The following SUSD4 variants were observed in gnomAD, a reference collection of about 807,000 sequenced individuals.
SUSD4 encodes the protein sushi domain containing 4.
SUSD4 carries 41 observed loss-of-function variants against 50.5 expected under a neutral mutation model. The ratio of observed to expected loss-of-function variants is 0.81; its 90% CI spans 0.63 to 1.05. The LOEUF (loss-of-function observed/expected upper bound fraction) is 1.05, where lower values mean the gene tolerates loss of function less well. Among genes scored for constraint, SUSD4 ranks in the 50% least tolerant of loss-of-function variants. The pLI, the probability that SUSD4 is intolerant of heterozygous loss-of-function variation, is 0.00. For synonymous variants in SUSD4, 257 were observed against 257.3 expected (o/e 1.00, Z 0.01); for missense variants, 580 against 634.7 (o/e 0.91, Z 0.93).
intron 5 of SUSD4, among the ~76,000 whole-genome samples, chr1:223,261,611 T>C (rs779701309): frequency 1.3e-5 from 2 of 152,234 alleles, no homozygotes; most frequent in Non-Finnish European, 2.9e-5. Flanking sequence ...CTGTTCTTAT[T>C]GTTCAGTATG....
intron 2 of SUSD4, among the ~76,000 whole-genome samples, chr1:223,354,665 G>C (rs1668558454): frequency 6.6e-6 from 1 of 152,126 alleles, no homozygotes; most frequent in Non-Finnish European, 1.5e-5. Context: ...ATGCATCCTT[G>C]GGTTAGATTC....
intron 3 of SUSD4, among the ~76,000 whole-genome samples, chr1:223,283,438 C>G (rs1272585467): frequency 2.6e-5 from 4 of 152,144 alleles, no homozygotes; most frequent in Non-Finnish European, 5.9e-5. Context: ...ACAGATACTT[C>G]TCAAAAGAAG....
At chr1:223,297,530 C>T (rs559450082) in intron 2 of SUSD4, among the ~76,000 whole-genome samples, 1 of 152,270 alleles carries the variant, frequency 6.6e-6, no homozygotes, top group South Asian at 2.1e-4. Flanking sequence ...CCTACTGAAG[C>T]AGGAAGGGAA....
intron 2 of SUSD4, among the ~76,000 whole-genome samples, chr1:223,328,817 T>C (rs1005386970): frequency 5.3e-5 from 8 of 152,292 alleles, no homozygotes; most frequent in East Asian, 3.9e-4. Flanking sequence ...TCAGGGTTTC[T>C]GCCACTCAGG....
intron 2 of SUSD4, among the ~76,000 whole-genome samples, chr1:223,323,453 AAG>A (rs139703287): frequency 0.017 from 2,605 of 152,240 alleles, 51 homozygotes; most frequent in Admixed American, 0.056. Flanking sequence ...GAGCACTCAC[AAG>A]AGTCACTTGA....
intron 2 of SUSD4, among the ~76,000 whole-genome samples, chr1:223,316,939 G>A (rs773526820): frequency 6.6e-5 from 10 of 152,164 alleles, no homozygotes; most frequent in Non-Finnish European, 1.0e-4. Flanking sequence ...TGGAGATGAC[G>A]ATGAGTCTGG....
intron 8 of SUSD4, among the ~76,000 whole-genome samples, chr1:223,222,886 G>A (rs1228037801): frequency 2.6e-5 from 4 of 152,238 alleles, no homozygotes; most frequent in African/African-American, 9.6e-5. Context: ...CCCACTTCCA[G>A]GAGTCCTATC....
intron 2 of SUSD4, among the ~76,000 whole-genome samples, chr1:223,305,568 T>C (rs1435234761): frequency 6.6e-6 from 1 of 152,160 alleles, no homozygotes; most frequent in African/African-American, 2.4e-5. Context: ...AGTCATATAT[T>C]TAAGAGGTGG....
chr1:223,349,428 G>A (rs1249277908), intron 2 of SUSD4, among the ~76,000 whole-genome samples: 3 of 152,088 alleles, frequency 2.0e-5, no homozygotes, highest in Non-Finnish European at 4.4e-5. Flanking sequence ...AGCTGTAATC[G>A]AATAATGTGA....
chr1:223,233,226 A>G (rs1179850030), intron 5 of SUSD4, among the ~76,000 whole-genome samples: 1 of 152,212 alleles, frequency 6.6e-6, no homozygotes, highest in African/African-American at 2.4e-5. Context: ...CCCCTTAAGT[A>G]GAAACAATTA....
chr1:223,352,498 G>A (rs925642586), intron 2 of SUSD4, among the ~76,000 whole-genome samples: 8 of 152,164 alleles, frequency 5.3e-5, no homozygotes, highest in African/African-American at 1.9e-4. Flanking sequence ...GCATTCCAGG[G>A]GCCCATGGGT....
At chr1:223,280,671 A>T (rs988457910) in intron 3 of SUSD4, among the ~76,000 whole-genome samples, 1 of 152,168 alleles carries the variant, frequency 6.6e-6, no homozygotes, top group Admixed American at 6.5e-5. Flanking sequence ...AACATTACAC[A>T]GACCAACGAG....
intron 3 of SUSD4, among the ~76,000 whole-genome samples, chr1:223,281,149 T>C (rs1663694659): frequency 1.3e-5 from 2 of 152,124 alleles, no homozygotes; most frequent in African/African-American, 2.4e-5. Flanking sequence ...AGATCTAAAA[T>C]AGACTCCCTA....
intron 2 of SUSD4, among the ~76,000 whole-genome samples, chr1:223,298,859 T>A (rs1665006337): frequency 6.6e-6 from 1 of 152,224 alleles, no homozygotes; most frequent in African/African-American, 2.4e-5. Context: ...ATGCACTTCC[T>A]CTGTTTTCAA....
intron 3 of SUSD4, among the ~76,000 whole-genome samples, chr1:223,277,734 C>T (rs1265109748): frequency 2.0e-5 from 3 of 152,184 alleles, no homozygotes; most frequent in Non-Finnish European, 2.9e-5. Context: ...CCCAGCTTTC[C>T]TGCTGTGTGA....
In SUSD4 at chr1:223,341,404, G is replaced by A. The variant is rs868657302; in HGVS notation, c.148+21874C>T. Among the ~76,000 whole-genome samples the A allele has an allele frequency of 3.0e-4, 45 of 152,202 alleles. 1 individual carries two copies. The highest frequency in any genetic ancestry group is 1.1e-3 in the African/African-American group (44 of 41,448). On this transcript the variant is annotated intron_variant, in intron 2 of 8. Transcript: ENST00000366878. ...CATCTCTCTAGCCCAGGCTCCACAC[G>A]AGGCAGGGCAGCTGCCGCCAGCAGA...
intron 5 of SUSD4, among the ~76,000 whole-genome samples, chr1:223,233,513 C>T (rs2103007889): frequency 6.6e-6 from 1 of 152,308 alleles, no homozygotes; most frequent in Admixed American, 6.5e-5. Flanking sequence ...CTCCTCTCTA[C>T]ACCTTCCCTA....
At chr1:223,269,056 A>C (rs1662726968) in intron 3 of SUSD4, among the ~76,000 whole-genome samples, 1 of 152,262 alleles carries the variant, frequency 6.6e-6, no homozygotes, top group African/African-American at 2.4e-5. Context: ...TGGACAGAAC[A>C]GAACACAGTG....
At chr1:223,322,151 T>C (rs1187103742) in intron 2 of SUSD4, among the ~76,000 whole-genome samples, 1 of 150,602 alleles carries the variant, frequency 6.6e-6, no homozygotes, top group Non-Finnish European at 1.5e-5. Flanking sequence ...TATGAGATTG[T>C]GAGATATTTA....
Sources: gnomAD v4.1 joint callset for allele counts (sites outside exome capture counted in the v4.1 genomes callset) on GRCh38, gnomAD v4.1.1 for gene constraint, MANE v1.5 for transcripts, NCBI Gene and HGNC (gene_info 2026-07-23, HGNC 2026-07-21) for gene names.